The following LMO7 variants were observed in gnomAD, a reference collection of about 807,000 sequenced individuals.
LMO7 encodes LIM domain only protein 7.
LMO7 carries 120 observed loss-of-function variants against 206.5 expected under a neutral mutation model. That is an observed-to-expected ratio of 0.58 (90% CI 0.50 to 0.68). The LOEUF (loss-of-function observed/expected upper bound fraction) is 0.68, where lower values mean the gene tolerates loss of function less well. Ranked by LOEUF, LMO7 falls within the 30% of genes least tolerant of loss-of-function variation. The pLI is 0.00. For missense variants in LMO7, 1,959 were observed against 1,957.9 expected, an observed-to-expected ratio of 1.00 and a Z score of -0.01; for synonymous variants, 706 against 681.5, an observed-to-expected ratio of 1.04 and a Z score of -0.56.
At chr13:75,793,485 A>G (rs1217855969) in intron 4 of LMO7, among the ~76,000 whole-genome samples, 1 of 152,178 alleles carries the variant, frequency 6.6e-6, no homozygotes, top group African/African-American at 2.4e-5. Flanking sequence ...CGTGTTGGCC[A>G]GGCTGGTCTT....
chr13:75,664,243 T>G (rs1304148288), intron 1 of LMO7, among the ~76,000 whole-genome samples: 1 of 152,154 alleles, frequency 6.6e-6, no homozygotes, highest in Non-Finnish European at 1.5e-5. Flanking sequence ...AAATATTAAT[T>G]TATAAAAATA....
chr13:75,764,402 G>A lies in LMO7; in HGVS notation c.317+3364G>A, dbSNP rs191434801. On this transcript the variant is annotated intron_variant, in intron 4 of 30. Coordinates refer to ENST00000377534, the MANE Select transcript of LMO7 (RefSeq NM_001306080.2). Reference sequence around the variant, plus strand: ...CATCTGTGCAGGCCTTCCATAAAAGGGCTGTAGGAGATCAAGCATAATGGC... The same window carrying A: ...CATCTGTGCAGGCCTTCCATAAAAGAGCTGTAGGAGATCAAGCATAATGGC... Among the ~76,000 whole-genome samples the A allele has an allele frequency of 9.9e-5, 15 of 152,160 alleles. No homozygotes were observed. In the East Asian group the frequency reaches 2.9e-3, roughly 29 times the overall value.
At chr13:75,683,907 G>A (rs892276496) in intron 1 of LMO7, among the ~76,000 whole-genome samples, 4 of 152,140 alleles carry the variant, frequency 2.6e-5, no homozygotes, top group African/African-American at 9.7e-5. Context: ...TAAGGGATTG[G>A]GGAGACCAAG....
chr13:75,626,595 A>ATATTTTTTTTTTTTTTTTTTT, intron 2 of LMO7, among the ~76,000 whole-genome samples: 2 of 71,184 alleles, frequency 2.8e-5, no homozygotes, highest in South Asian at 4.8e-4. Context: ...ATATATATAA[A>ATATTTTTTTTTTTTTTTTTTT]TTTTTTTGAG....
At chr13:75,835,100 C>A (rs1050884780) in intron 17 of LMO7, 133 bp from the exon 18 acceptor site, 123 of 1,161,600 alleles carry the variant, frequency 1.1e-4, no homozygotes, top group Middle Eastern at 6.2e-4. Flanking sequence ...TGACTTTATT[C>A]TTTCCACTTC....
chr13:75,626,020 G>C (rs1048380648), intron 2 of LMO7, among the ~76,000 whole-genome samples: 2 of 151,952 alleles, frequency 1.3e-5, no homozygotes, highest in Non-Finnish European at 2.9e-5. Context: ...ATTGTGTAGA[G>C]GTGAGGGTGA....
intron 2 of LMO7, among the ~76,000 whole-genome samples, chr13:75,724,985 T>C (rs191799307): frequency 6.6e-6 from 1 of 152,284 alleles, no homozygotes; most frequent in Admixed American, 6.5e-5. Flanking sequence ...TGTGTGTCTG[T>C]CACTTCTAAG....
intron 4 of LMO7, among the ~76,000 whole-genome samples, chr13:75,782,763 A>G (rs568554377): frequency 6.6e-6 from 1 of 152,148 alleles, no homozygotes; most frequent in African/African-American, 2.4e-5. Flanking sequence ...TCACTGCTCC[A>G]ATCTCTGCCT....
chr13:75,713,487 G>A (rs1276682791), intron 2 of LMO7, among the ~76,000 whole-genome samples: 1 of 152,114 alleles, frequency 6.6e-6, no homozygotes, highest in Non-Finnish European at 1.5e-5. Flanking sequence ...TTTTTAATTA[G>A]TAAACAAGAA....
chr13:75,811,003 A>C (rs191745102), intron 11 of LMO7, among the ~76,000 whole-genome samples: 81 of 152,350 alleles, frequency 5.3e-4, no homozygotes, highest in African/African-American at 1.8e-3. Context: ...TAACTACACA[A>C]ATAAAGCAAG....
At chr13:75,643,998 G>C (rs1217429547) in intron 1 of LMO7, among the ~76,000 whole-genome samples, 1 of 152,150 alleles carries the variant, frequency 6.6e-6, no homozygotes, top group Admixed American at 6.6e-5. Context: ...GGAAATTTTT[G>C]TATGGATTCA....
Position 75,808,303 on chromosome 13 carries a change from C to T in LMO7, c.1916+104C>T, listed in dbSNP as rs555687305. Reference sequence around the variant, plus strand: ...TCGTGTTGCTCAACTCTGCATGTCGCGTGCCATTTTGAAGCATCCCGTAAA... The same window carrying T: ...TCGTGTTGCTCAACTCTGCATGTCGTGTGCCATTTTGAAGCATCCCGTAAA... On this transcript the variant is annotated intron_variant, in intron 10 of 30. Transcript: ENST00000377534. 53 of 1,317,524 alleles carry T rather than the reference C, an allele frequency of 4.0e-5. No homozygotes were observed. The East Asian group carries it at 7.1e-4, about 18-fold the overall frequency. The allele number at this position is 1,317,524 out of a possible 1,614,324, so 81.6% of individuals were successfully genotyped here.
intron 1 of LMO7, among the ~76,000 whole-genome samples, chr13:75,660,246 A>G (rs2038448662): frequency 6.6e-6 from 1 of 152,238 alleles, no homozygotes; most frequent in Non-Finnish European, 1.5e-5. Context: ...AGGGATTAAA[A>G]AAGTACACCT....
intron 2 of LMO7, among the ~76,000 whole-genome samples, chr13:75,718,712 A>G (rs1184821208): frequency 6.6e-6 from 1 of 152,164 alleles, no homozygotes. Context: ...GGTTTTGGAT[A>G]AATGTGTAAT....
At chr13:75,628,827 C>T (rs548823382) in intron 2 of LMO7, among the ~76,000 whole-genome samples, 17 of 152,210 alleles carry the variant, frequency 1.1e-4, no homozygotes, top group Non-Finnish European at 2.1e-4. Flanking sequence ...TCCTTTACAA[C>T]ACAGAGTAGC....
chr13:75,770,481 G>A (rs1419459241), intron 4 of LMO7, among the ~76,000 whole-genome samples: 1 of 152,006 alleles, frequency 6.6e-6, no homozygotes, highest in Non-Finnish European at 1.5e-5. Flanking sequence ...AATCTTGTGT[G>A]TACATAAGAG....
intron 1 of LMO7, among the ~76,000 whole-genome samples, chr13:75,699,004 T>C (rs1376144498): frequency 2.0e-5 from 3 of 152,182 alleles, no homozygotes; most frequent in Non-Finnish European, 4.4e-5. Context: ...CAACCATTAA[T>C]CTGCTTTTTG....
intron 3 of LMO7, among the ~76,000 whole-genome samples, chr13:75,759,107 G>A (rs1318561146): frequency 6.6e-6 from 1 of 152,146 alleles, no homozygotes; most frequent in African/African-American, 2.4e-5. Context: ...AGGGGGAAGA[G>A]CTCCTTATAA....
Position 75,819,543 on chromosome 13 carries a change from T to C in LMO7, c.2207+8T>C. 6.4e-7 allele frequency: 1 copy of C among 1,571,582 alleles called. No individual in the cohort carries two copies. Among genetic ancestry groups the C allele is most frequent in the Non-Finnish European group, 8.6e-7 (1 of 1,165,952 alleles). On this transcript the variant is annotated splice_region_variant and intron_variant, in intron 13 of 30. Coordinates refer to ENST00000377534, the MANE Select transcript of LMO7 (RefSeq NM_001306080.2). ...GGAAATGCTGCAGGACAGGTAATAA[T>C]GCTGAATGCACCTCGGTTGTAACAG...
Sources: gnomAD v4.1 joint callset for allele counts (sites outside exome capture counted in the v4.1 genomes callset) on GRCh38, gnomAD v4.1.1 for gene constraint, MANE v1.5 for transcripts, NCBI Gene and HGNC (gene_info 2026-07-23, HGNC 2026-07-21) for gene names.